EXD1: variants seen among roughly 807,000 people sequenced by gnomAD.
The protein encoded by EXD1 is exonuclease 3'-5' domain containing 1, also known as piRNA biogenesis protein EXD1.
Under a neutral mutation model 49.1 loss-of-function variants are expected in EXD1, and 63 were observed. That is an observed-to-expected ratio of 1.28 (90% CI 1.05 to 1.58). The LOEUF (loss-of-function observed/expected upper bound fraction) is 1.58. Among genes scored for constraint, EXD1 ranks in the 40% most tolerant of loss-of-function variants. The pLI is 0.00. For missense variants in EXD1, 748 were observed against 666.0 expected (o/e 1.12, Z -1.36); for synonymous variants, 234 against 239.2 (o/e 0.98, Z 0.20).
At chr15:41,200,397 C>A (rs1201810997) in intron 7 of EXD1, among the ~76,000 whole-genome samples, 2 of 152,022 alleles carry the variant, frequency 1.3e-5, no homozygotes, top group Admixed American at 6.6e-5. Flanking sequence ...GTGGTGTGCA[C>A]CTGTAGTCCC....
At chr15:41,210,809 C>G (rs2046910520) in intron 6 of EXD1, among the ~76,000 whole-genome samples, 1 of 152,128 alleles carries the variant, frequency 6.6e-6, no homozygotes, top group Non-Finnish European at 1.5e-5. Flanking sequence ...ATAAAAGATT[C>G]TCCCCATTTT....
chr15:41,199,739 G>GATATACAATATA (rs777473507), intron 7 of EXD1, among the ~76,000 whole-genome samples: 2 of 79,378 alleles, frequency 2.5e-5, no homozygotes, highest in Admixed American at 3.2e-4. Flanking sequence ...TGATATATAT[G>GATATACAATATA]TCATATATTA....
intron 6 of EXD1, among the ~76,000 whole-genome samples, 191 bp from the exon 7 acceptor site, chr15:41,209,778 C>CTT (rs113116322): frequency 5.6e-4 from 84 of 150,984 alleles, no homozygotes; most frequent in South Asian, 1.3e-3. Context: ...ACTTCTGATT[C>CTT]TTTTTTTTTG....
At position 41,196,034 on chromosome 15, in the gene EXD1, C is replaced by A; in HGVS notation, c.538G>T (p.Ala180Ser). The change falls in exon 8 of 12, where the codon GCC (alanine) becomes TCC (serine). Residue 180 changes from alanine (A) to serine (S), a missense_variant. Physicochemically the swap from Ala to Ser is moderately conservative, Grantham distance 99. Transcript: ENST00000458580. The stretch of plus-strand genomic sequence containing the variant: ...AATAAGTAAACTCGGCAATTTGTGG[C>A]CACCTACAATAGACCATCCAGACAC... ...RHGKLCWLQV[A>S]TNCRVYLFDI... 1 of 1,611,096 alleles carries A rather than the reference C, an allele frequency of 6.2e-7. No individual in the cohort carries two copies. Among genetic ancestry groups the A allele is most frequent in the Non-Finnish European group, 8.5e-7 (1 of 1,178,742 alleles).
At chr15:41,211,484 T>A (rs75174530) in intron 6 of EXD1, among the ~76,000 whole-genome samples, 2,064 of 152,014 alleles carry the variant, frequency 0.014, 59 homozygotes, top group African/African-American at 0.048. Flanking sequence ...ACATAAATAA[T>A]ACTTACAACT....
chr15:41,210,363 G>C (rs2140880317), intron 6 of EXD1, among the ~76,000 whole-genome samples: 1 of 152,212 alleles, frequency 6.6e-6, no homozygotes, highest in African/African-American at 2.4e-5. Flanking sequence ...GACTCTTCAG[G>C]TCCCTTAAAG....
intron 11 of EXD1, 65 bp downstream of exon 11, chr15:41,189,872 A>G: frequency 3.3e-6 from 5 of 1,495,504 alleles, no homozygotes; most frequent in Non-Finnish European, 4.6e-6. Flanking sequence ...AAGAAAGGGT[A>G]TCACTGTGTC....
intron 6 of EXD1, among the ~76,000 whole-genome samples, chr15:41,210,290 T>G (rs1466265267): frequency 1.3e-5 from 2 of 152,088 alleles, no homozygotes; most frequent in Non-Finnish European, 2.9e-5. Context: ...TTACCACAAC[T>G]GAAAGGAATA....
chr15:41,198,962 A>G (rs1233698720), intron 7 of EXD1, among the ~76,000 whole-genome samples: 4 of 149,316 alleles, frequency 2.7e-5, no homozygotes, highest in East Asian at 4.0e-4. Context: ...GCCACCACAC[A>G]TGGCCTTTTT....
chr15:41,204,408 G>A (rs1261310865), intron 7 of EXD1, among the ~76,000 whole-genome samples: 4 of 149,946 alleles, frequency 2.7e-5, no homozygotes. Flanking sequence ...AAAATTAGCC[G>A]GGCATGGTGG....
chr15:41,189,965 C>T lies in EXD1; in HGVS notation c.1028G>A (p.Gly343Glu). The stretch of plus-strand genomic sequence containing the variant: ...AGTGCCTCCAAGCCGGTCTGCAGAC[C>T]CTTCGCGATACGTGTTTAGGTAACC... ...VDGYLNTYRE[G>E]SADRLGGTEP... The change falls in exon 11 of 12, where the codon GGG becomes GAG. Residue 343 changes from glycine (G) to glutamate (E), a missense_variant. Coordinates refer to ENST00000458580, the MANE Select transcript of EXD1 (RefSeq NM_001286441.2). 1 of 1,614,006 alleles carries T rather than the reference C, an allele frequency of 6.2e-7. No homozygotes were observed. The highest frequency in any genetic ancestry group is 8.5e-7 in the Non-Finnish European group (1 of 1,179,986).
At chr15:41,218,053 T>G (rs759588918) in intron 3 of EXD1, among the ~76,000 whole-genome samples, 2 of 152,170 alleles carry the variant, frequency 1.3e-5, no homozygotes, top group Non-Finnish European at 2.9e-5. Flanking sequence ...CAGAAATGAC[T>G]ATCCTTTGAG....
In EXD1 at chr15:41,199,764, A is replaced by ATGTGATATATAATATATAACATATG. The variant is rs1269494361; in HGVS notation, c.535-3728_535-3727insCATATGTTATATATTATATATCACA. Among the ~76,000 whole-genome samples, 3 of 21,168 alleles carry ATGTGATATATAATATATAACATATG rather than the reference A, an allele frequency of 1.4e-4. 1 individual carries two copies. The highest frequency in any genetic ancestry group is 3.1e-4 in the Non-Finnish European group (3 of 9,802). The allele number at this position is 21,168 out of a possible 152,430, so 13.9% of individuals were successfully genotyped here. A position where few individuals can be genotyped will look rare whatever the true frequency, so the allele number is the denominator to read the frequency against. ...GTCATATATTATATATGATACATAT[A>ATGTGATATATAATATATAACATATG]TGATATATATGTCATATATTATATA... On this transcript the variant is annotated intron_variant, in intron 7 of 11. Transcript: ENST00000458580.
At chr15:41,216,487 TG>T (rs2047000495) in intron 5 of EXD1, among the ~76,000 whole-genome samples, 180 bp downstream of exon 5, 1 of 151,934 alleles carries the variant, frequency 6.6e-6, no homozygotes, top group Non-Finnish European at 1.5e-5. Context: ...CAAAATTAGC[TG>T]GGCGTGGTGG....
chr15:41,190,991 G>A (rs1461714304), intron 10 of EXD1, among the ~76,000 whole-genome samples: 1 of 151,858 alleles, frequency 6.6e-6, no homozygotes, highest in South Asian at 2.1e-4. Context: ...TCAGCTCACC[G>A]CAATGTCCAC....
In EXD1 at chr15:41,191,503, T is replaced by C. The variant is rs1162683236; in HGVS notation, c.803A>G (p.Lys268Arg). ...ATATTTAGGGGCTACTTGAAGGTGT[T>C]TGATTAAACTCTCCTGCAAAGTAGT... is the stretch of plus-strand genomic sequence containing the variant. ...CITTLQESLI[K>R]HLQVAPKYLS... is the part of the protein sequence containing the mutation. The change falls in exon 10 of 12, where the codon AAA becomes AGA. Residue 268 changes from lysine (K) to arginine (R), a missense_variant. Lys to Arg is a conservative substitution (Grantham distance 26). Coordinates refer to ENST00000458580, the MANE Select transcript of EXD1 (RefSeq NM_001286441.2). 3 of 1,613,846 alleles carry C rather than the reference T, an allele frequency of 1.9e-6. No homozygotes were observed. Among genetic ancestry groups the C allele is most frequent in the Non-Finnish European group, 2.5e-6 (3 of 1,179,772 alleles).
chr15:41,186,460 G>A, intron 11 of EXD1, among the ~76,000 whole-genome samples: 1 of 36,456 alleles, frequency 2.7e-5, no homozygotes, highest in Non-Finnish European at 8.0e-5. Flanking sequence ...TGATGAGCAA[G>A]ACTCTGTCTC....
chr15:41,203,777 C>T (rs912726896), intron 7 of EXD1, among the ~76,000 whole-genome samples: 1 of 151,520 alleles, frequency 6.6e-6, no homozygotes, highest in African/African-American at 2.4e-5. Flanking sequence ...ATTAGCCGGG[C>T]GTGGTGGCAC....
chr15:41,215,946 T>C, intron 5 of EXD1, 113 bp from the exon 6 acceptor site: 2 of 1,071,630 alleles, frequency 1.9e-6, no homozygotes, highest in South Asian at 2.6e-5. Context: ...TCAAATACCC[T>C]AAAATTGCAA....
Sources: allele counts gnomAD v4.1 joint callset (sites outside exome capture counted in the v4.1 genomes callset), GRCh38; gene constraint gnomAD v4.1.1; transcripts MANE v1.5; gene names NCBI Gene and HGNC (gene_info 2026-07-23, HGNC 2026-07-21).